The following PTPRD variants were observed in gnomAD, a reference collection of about 807,000 sequenced individuals.
PTPRD encodes protein tyrosine phosphatase receptor type D, also known as receptor-type tyrosine-protein phosphatase delta.
In PTPRD, 34 loss-of-function variants were observed where a neutral mutation model predicts 214.5. The observed-to-expected ratio is 0.16, with a 90% CI of 0.12 to 0.21. PTPRD has a LOEUF of 0.21. Ranked by LOEUF, PTPRD falls within the 10% of genes least tolerant of loss-of-function variation. PTPRD has a pLI of 1.00. For missense variants in PTPRD, 2,545 were observed against 2,398.7 expected, an observed-to-expected ratio of 1.06 and a Z score of -1.27; for synonymous variants, 1,128 against 845.7, an observed-to-expected ratio of 1.33 and a Z score of -5.79.
chr9:9,859,900 T>A (rs1383129000), intron 5 of PTPRD, among the ~76,000 whole-genome samples: 1 of 152,206 alleles, frequency 6.6e-6, no homozygotes, highest in Admixed American at 6.5e-5. Flanking sequence ...TGTACCTATT[T>A]ATAGTCAACA....
chr9:8,468,278 C>T (rs1360402031), intron 31 of PTPRD, among the ~76,000 whole-genome samples: 2 of 151,922 alleles, frequency 1.3e-5, no homozygotes, highest in African/African-American at 4.8e-5. Context: ...CAGATGACAC[C>T]AAAGTCAGCC....
At chr9:8,369,269 G>A (rs2080832495) in intron 39 of PTPRD, among the ~76,000 whole-genome samples, 1 of 152,042 alleles carries the variant, frequency 6.6e-6, no homozygotes, top group South Asian at 2.1e-4. Flanking sequence ...ATGCTCTTAT[G>A]CAATGCTTTC....
chr9:9,559,660 G>T (rs1256828511), intron 8 of PTPRD, among the ~76,000 whole-genome samples: 3 of 152,188 alleles, frequency 2.0e-5, no homozygotes, highest in Non-Finnish European at 4.4e-5. Flanking sequence ...TATGCACATA[G>T]CCCTCCAGCA....
intron 4 of PTPRD, among the ~76,000 whole-genome samples, chr9:10,025,582 G>T (rs2096908211): frequency 6.6e-6 from 1 of 152,156 alleles, no homozygotes; most frequent in Non-Finnish European, 1.5e-5. Flanking sequence ...ACATATAAAA[G>T]AGATTTAGAA....
intron 29 of PTPRD, 71 bp from the exon 30 acceptor site, chr9:8,484,449 T>A (rs546154770): frequency 6.8e-7 from 1 of 1,475,292 alleles, no homozygotes; most frequent in Admixed American, 2.3e-5. Context: ...TAAACCAATG[T>A]GCACTAGCTT....
chr9:9,773,848 G>GA (rs917704212), intron 5 of PTPRD, among the ~76,000 whole-genome samples: 18 of 150,856 alleles, frequency 1.2e-4, no homozygotes, highest in Admixed American at 3.3e-4. Context: ...AAATCTTGGG[G>GA]AAAAAAAAAG....
intron 3 of PTPRD, among the ~76,000 whole-genome samples, chr9:10,281,311 G>A (rs184214914): frequency 1.3e-5 from 2 of 150,410 alleles, no homozygotes; most frequent in Non-Finnish European, 2.9e-5. Flanking sequence ...TTATTTTTCA[G>A]TTGTATCATT....
At chr9:9,483,629 G>A (rs1272182297) in intron 8 of PTPRD, among the ~76,000 whole-genome samples, 2 of 151,974 alleles carry the variant, frequency 1.3e-5, no homozygotes, top group Non-Finnish European at 2.9e-5. Flanking sequence ...CATTGCTAGA[G>A]GGCTTATAGA....
At chr9:10,262,915 A>C (rs542198580) in intron 3 of PTPRD, among the ~76,000 whole-genome samples, 4 of 152,050 alleles carry the variant, frequency 2.6e-5, no homozygotes, top group Non-Finnish European at 4.4e-5. Context: ...CTGAGGGGAG[A>C]TAATTGAATA....
chr9:9,694,483 C>G (rs894611776), intron 7 of PTPRD, among the ~76,000 whole-genome samples: 1 of 152,034 alleles, frequency 6.6e-6, no homozygotes, highest in Non-Finnish European at 1.5e-5. Flanking sequence ...TGGCCACCAC[C>G]ACCAGGACTG....
At chr9:8,508,767 T>G (rs1388759535) in intron 21 of PTPRD, among the ~76,000 whole-genome samples, 1 of 152,196 alleles carries the variant, frequency 6.6e-6, no homozygotes, top group Non-Finnish European at 1.5e-5. Context: ...GTTATGTCTG[T>G]GTACTATGGC....
At chr9:10,166,114 C>T (rs902155952) in intron 3 of PTPRD, among the ~76,000 whole-genome samples, 2 of 149,320 alleles carry the variant, frequency 1.3e-5, no homozygotes, top group Non-Finnish European at 3.0e-5. Context: ...AATATATGTA[C>T]ATATATACAT....
At chr9:9,999,047 T>A (rs995376419) in intron 4 of PTPRD, among the ~76,000 whole-genome samples, 1 of 152,132 alleles carries the variant, frequency 6.6e-6, no homozygotes, top group Non-Finnish European at 1.5e-5. Flanking sequence ...GGCAGCTAAG[T>A]CAGCAGCAAG....
intron 12 of PTPRD, among the ~76,000 whole-genome samples, chr9:8,687,596 C>A (rs1263067623): frequency 6.6e-6 from 1 of 152,002 alleles, no homozygotes; most frequent in Non-Finnish European, 1.5e-5. Flanking sequence ...GCTCTGTTAG[C>A]CTTGATCTAA....
intron 11 of PTPRD, among the ~76,000 whole-genome samples, chr9:8,878,153 G>T (rs141853811): frequency 6.6e-6 from 1 of 152,180 alleles, no homozygotes; most frequent in African/African-American, 2.4e-5. Context: ...TTCTCAGGAA[G>T]TCATTTGAAG....
intron 10 of PTPRD, among the ~76,000 whole-genome samples, chr9:9,076,018 G>C (rs1030477964): frequency 1.3e-5 from 2 of 152,050 alleles, no homozygotes; most frequent in African/African-American, 2.4e-5. Flanking sequence ...CTAGTTTATA[G>C]TCCCACCAAC....
At chr9:9,248,926 T>G (rs1304713360) in intron 9 of PTPRD, among the ~76,000 whole-genome samples, 1 of 152,038 alleles carries the variant, frequency 6.6e-6, no homozygotes, top group Non-Finnish European at 1.5e-5. Context: ...GCTGGTAAAG[T>G]GTATGGCAAA....
intron 7 of PTPRD, among the ~76,000 whole-genome samples, chr9:9,583,518 T>C (rs948751808): frequency 5.3e-5 from 8 of 152,074 alleles, no homozygotes; most frequent in African/African-American, 1.7e-4. Context: ...GCCAAACTAA[T>C]TGGTAAAACC....
chr9:10,611,985 G>A (rs10809136), intron 2 of PTPRD, among the ~76,000 whole-genome samples: 12,035 of 150,482 alleles, frequency 0.08, 705 homozygotes, highest in Admixed American at 0.19. Context: ...AGTAGGGTGG[G>A]AGTTAGCATG....
Sources: gnomAD v4.1 joint callset for allele counts (sites outside exome capture counted in the v4.1 genomes callset) on GRCh38, gnomAD v4.1.1 for gene constraint, MANE v1.5 for transcripts, NCBI Gene and HGNC (gene_info 2026-07-23, HGNC 2026-07-21) for gene names.